Variants in NOSTRIN observed in about 807,000 individuals in gnomAD.
NOSTRIN encodes the protein BM247 homolog.
A neutral mutation model predicts 59.0 loss-of-function variants in NOSTRIN; 63 were observed. The observed-to-expected ratio is 1.07, with a 90% CI of 0.87 to 1.32. The LOEUF is 1.32. Ranked by LOEUF, NOSTRIN falls within the 40% of genes most tolerant of loss-of-function variation. The probability of loss-of-function intolerance (pLI) is 0.00; values close to 1 mark genes in which losing one functional copy is unlikely to be tolerated. For missense variants in NOSTRIN, 512 were observed against 473.1 expected (o/e 1.08, Z -0.76); for synonymous variants, 200 against 165.4 (o/e 1.21, Z -1.61).
chr2:168,790,019 G>A (rs1288553074), intron 2 of NOSTRIN, among the ~76,000 whole-genome samples: 1 of 152,162 alleles, frequency 6.6e-6, no homozygotes, highest in African/African-American at 2.4e-5. Context: ...AGTCCTAACA[G>A]GCCCCCAGCC....
At chr2:168,834,490 TGCGCGCGC>T (rs145224351) in intron 7 of NOSTRIN, among the ~76,000 whole-genome samples, 165 bp downstream of exon 7, 10 of 87,580 alleles carry the variant, frequency 1.1e-4, no homozygotes, top group East Asian at 6.2e-4. Context: ...ATTACTGGCG[TGCGCGCGC>T]GCGCGCGCGC....
chr2:168,840,391 G>C (rs1167017179), intron 7 of NOSTRIN, among the ~76,000 whole-genome samples: 1 of 151,912 alleles, frequency 6.6e-6, no homozygotes, highest in African/African-American at 2.4e-5. Context: ...TTAGCCGGGC[G>C]TGGTGGCAGG....
upstream of NOSTRIN, among the ~76,000 whole-genome samples, chr2:168,799,916 A>ATTGCAAAT (rs1685570924): frequency 6.6e-6 from 1 of 152,192 alleles, no homozygotes; most frequent in Admixed American, 6.5e-5. Flanking sequence ...ATGGGACACT[A>ATTGCAAAT]AGTTCCTCCT....
intron 6 of NOSTRIN, among the ~76,000 whole-genome samples, chr2:168,833,461 T>A (rs1359119543): frequency 6.6e-6 from 1 of 152,210 alleles, no homozygotes; most frequent in Admixed American, 6.5e-5. Flanking sequence ...CTTGCAACCT[T>A]GAGGCAAAAA....
intron 7 of NOSTRIN, among the ~76,000 whole-genome samples, chr2:168,840,849 A>G (rs1410100930): frequency 6.6e-6 from 1 of 152,140 alleles, no homozygotes; most frequent in Non-Finnish European, 1.5e-5. Context: ...TATAGTCAAA[A>G]CTCAGATTTT....
intron 10 of NOSTRIN, among the ~76,000 whole-genome samples, 198 bp downstream of exon 10, chr2:168,851,602 TAAAG>T (rs1688773309): frequency 6.6e-6 from 1 of 152,124 alleles, no homozygotes; most frequent in Non-Finnish European, 1.5e-5. Context: ...TTTCTAGAAG[TAAAG>T]AAAGTCAAGC....
chr2:168,828,077 G>A, intron 3 of NOSTRIN, 81 bp from the exon 4 acceptor site: 10 of 827,952 alleles, frequency 1.2e-5, no homozygotes, highest in Admixed American at 3.5e-5. Flanking sequence ...AATCAGATGC[G>A]ATGCTGTATT....
chr2:168,863,399 A>C, intron 15 of NOSTRIN: 1 of 984,572 alleles, frequency 1.0e-6, no homozygotes, highest in Non-Finnish European at 1.2e-6. Flanking sequence ...TGAGGAAAAG[A>C]GTGAAAGGAA....
chr2:168,808,637 A>G (rs1189073250), intron 1 of NOSTRIN, among the ~76,000 whole-genome samples: 1 of 152,222 alleles, frequency 6.6e-6, no homozygotes, highest in Non-Finnish European at 1.5e-5. Flanking sequence ...AGATATTTCT[A>G]AATAAATCAA....
In NOSTRIN at chr2:168,865,412, CA is replaced by C. The variant is rs1482948209; in HGVS notation, c.*443del. ...CAAGCAGAGCCTGGGAGATGAGGAA[CA>C]CAGATCAATTCCAAGAAGAGAGACA... On this transcript the variant is annotated 3_prime_UTR_variant, in exon 16 of 16. Transcript: ENST00000317647. 1 of 155,576 alleles carries C rather than the reference CA, an allele frequency of 6.4e-6. No homozygotes were observed. Among genetic ancestry groups the C allele is most frequent in the African/African-American group, 2.4e-5 (1 of 41,418 alleles). 9.6% of individuals were successfully genotyped at this position (155,576 alleles called of 1,614,324 possible).
intron 7 of NOSTRIN, among the ~76,000 whole-genome samples, chr2:168,842,443 G>T (rs1375852766): frequency 1.3e-5 from 2 of 152,202 alleles, no homozygotes; most frequent in Non-Finnish European, 2.9e-5. Flanking sequence ...CTAGGACCAG[G>T]ACTCTTATCC....
rs1364842460 is a variant in NOSTRIN at position 168,865,004 on chromosome 2, G to A, written c.*34G>A. 6.2e-7 allele frequency: 1 copy of A among 1,609,444 alleles called. No homozygotes were observed. Among genetic ancestry groups the A allele is most frequent in the East Asian group, 2.2e-5 (1 of 44,830 alleles). On this transcript the variant is annotated 3_prime_UTR_variant, in exon 16 of 16. Coordinates refer to ENST00000317647, the MANE Select transcript of NOSTRIN (RefSeq NM_001039724.4). ...TCTGAACATACTACCTTCACACTCG[G>A]TAATCAACAATACAGTGTGGTTCAA...
chr2:168,787,907 G>A (rs550189302), exon 2 of NOSTRIN: 2 of 152,012 alleles, frequency 1.3e-5, no homozygotes, highest in African/African-American at 2.4e-5. Flanking sequence ...TGGTCTTACA[G>A]CCAGAAAGTG....
chr2:168,792,272 A>G (rs1398471252), intron 2 of NOSTRIN, among the ~76,000 whole-genome samples: 2 of 152,220 alleles, frequency 1.3e-5, no homozygotes, highest in Non-Finnish European at 2.9e-5. Context: ...CAAGAGTCAT[A>G]AAGTGTTACA....
At chr2:168,791,113 G>C (rs1413340517) in intron 2 of NOSTRIN, among the ~76,000 whole-genome samples, 4 of 151,918 alleles carry the variant, frequency 2.6e-5, no homozygotes, top group Non-Finnish European at 4.4e-5. Flanking sequence ...TTTAACATTA[G>C]GTATATCTCC....
At chr2:168,807,486 T>A (rs1402074982) in intron 1 of NOSTRIN, among the ~76,000 whole-genome samples, 3 of 152,234 alleles carry the variant, frequency 2.0e-5, no homozygotes, top group African/African-American at 7.2e-5. Flanking sequence ...TATCTCAATC[T>A]GGATCAAGGT....
intron 2 of NOSTRIN, among the ~76,000 whole-genome samples, chr2:168,812,743 T>C (rs933616300): frequency 1.3e-5 from 2 of 152,110 alleles, no homozygotes; most frequent in African/African-American, 4.8e-5. Flanking sequence ...GGCACCACCA[T>C]CTCTGAGCAG....
Position 168,828,232 on chromosome 2 carries a change from C to T in NOSTRIN, c.260+12C>T. ...GCGGACCTGCATCAGTGAGTTCTCCCACCCTGGCCTTTCTCCAACTCCAAA... is the reference window on the plus strand; with the variant it reads ...GCGGACCTGCATCAGTGAGTTCTCCTACCCTGGCCTTTCTCCAACTCCAAA... On this transcript the variant is annotated intron_variant, in intron 4 of 15. Transcript: ENST00000317647. The T allele has an allele frequency of 1.1e-6, 1 of 872,962 alleles. No individual in the cohort carries two copies. Among genetic ancestry groups the T allele is most frequent in the Non-Finnish European group, 2.0e-6 (1 of 501,670 alleles). The allele number at this position is 872,962 out of a possible 1,614,324, so 54.1% of individuals were successfully genotyped here.
chr2:168,828,215 G>A lies in NOSTRIN; in HGVS notation c.255G>A (p.Leu85=), dbSNP rs1253186062. The part of the protein sequence containing the change: ...ASEGMKSTAD[L]HQKLGKAIEL... ...AGGGAATGAAATCCACAGCGGACCTGCATCAGTGAGTTCTCCCACCCTGGC... is the reference window on the plus strand; with the variant it reads ...AGGGAATGAAATCCACAGCGGACCTACATCAGTGAGTTCTCCCACCCTGGC... The change falls in exon 4 of 16, where the codon CTG becomes CTA. Residue 85 remains leucine, a synonymous_variant. Coordinates refer to ENST00000317647, the MANE Select transcript of NOSTRIN (RefSeq NM_001039724.4). The A allele has an allele frequency of 3.4e-6, 3 of 872,936 alleles. No individual in the cohort carries two copies. The highest frequency in any genetic ancestry group is 1.7e-5 in the Admixed American group (1 of 59,190). The allele number at this position is 872,936 out of a possible 1,614,324, so 54.1% of individuals were successfully genotyped here.
Sources: gnomAD v4.1 joint callset for allele counts (sites outside exome capture counted in the v4.1 genomes callset) on GRCh38, gnomAD v4.1.1 for gene constraint, MANE v1.5 for transcripts, NCBI Gene and HGNC (gene_info 2026-07-23, HGNC 2026-07-21) for gene names.